CAV2: variants seen among roughly 807,000 people sequenced by gnomAD.
CAV2 encodes caveolin 2, also known as caveolin-2.
CAV2 carries 7 observed loss-of-function variants against 15.5 expected under a neutral mutation model. That is an observed-to-expected ratio of 0.45 (90% CI 0.26 to 0.85). The LOEUF (loss-of-function observed/expected upper bound fraction) is 0.85. CAV2 is among the 40% of genes least tolerant of loss of function. CAV2 has a pLI of 0.18. For synonymous variants in CAV2, 76 were observed against 83.1 expected, an observed-to-expected ratio of 0.91 and a Z score of 0.46; for missense variants, 229 against 208.8, an observed-to-expected ratio of 1.10 and a Z score of -0.60.
chr7:116,508,152 G>A lies in CAV2; in HGVS notation c.*2031G>A, dbSNP rs1793286056. ...ATCAGCCTCATGACTTTATAGTTAT[G>A]TCTTGTATTTAAAAACATTTTTTAT... On this transcript the variant is annotated 3_prime_UTR_variant, in exon 3 of 3. Transcript: ENST00000222693. 6.6e-6 allele frequency: 1 copy of A among 152,106 alleles called. No individual in the cohort carries two copies. Among genetic ancestry groups the A allele is most frequent in the Non-Finnish European group, 1.5e-5 (1 of 68,002 alleles). 9.4% of individuals were successfully genotyped at this position (152,106 alleles called of 1,614,324 possible).
chr7:116,499,860 T>A lies in CAV2; in HGVS notation c.79T>A (p.Tyr27Asn). The change falls in exon 1 of 3, where the codon TAC becomes AAC. Residue 27 changes from tyrosine (Y) to asparagine (N), a missense_variant. Physicochemically the swap from Tyr to Asn is moderately radical, Grantham distance 143. Coordinates refer to ENST00000222693, the MANE Select transcript of CAV2 (RefSeq NM_001233.5). ...CTACAGCCACCACAGCGGCCTCGAGTACGCCGACCCCGAGAAGTTCGCGGA... is the reference window on the plus strand; with the variant it reads ...CTACAGCCACCACAGCGGCCTCGAGAACGCCGACCCCGAGAAGTTCGCGGA... The part of the protein sequence containing the change: ...DSYSHHSGLE[Y>N]ADPEKFADSD... 3.1e-6 allele frequency: 5 copies of A among 1,604,432 alleles called. No homozygotes were observed. Among genetic ancestry groups the A allele is most frequent in the Non-Finnish European group, 4.2e-6 (5 of 1,176,750 alleles).
chr7:116,503,648 G>C (rs574529571), intron 2 of CAV2, among the ~76,000 whole-genome samples: 3 of 152,016 alleles, frequency 2.0e-5, no homozygotes, highest in Non-Finnish European at 4.4e-5. Flanking sequence ...GGCCAACATG[G>C]TGAAACTCTG....
chr7:116,502,031 C>T (rs1246755637), intron 2 of CAV2, among the ~76,000 whole-genome samples: 1 of 152,108 alleles, frequency 6.6e-6, no homozygotes, highest in African/African-American at 2.4e-5. Flanking sequence ...TCAGTTTTCT[C>T]ACTTTCAAAA....
intron 2 of CAV2, 86 bp downstream of exon 2, chr7:116,500,533 G>A: frequency 7.3e-7 from 1 of 1,364,706 alleles, no homozygotes; most frequent in East Asian, 2.3e-5. Context: ...TCTTATCCCA[G>A]GCCGGCGTCA....
intron 2 of CAV2, chr7:116,500,760 G>A (rs532338330): frequency 3.1e-6 from 1 of 324,990 alleles, no homozygotes; most frequent in South Asian, 5.5e-5. Flanking sequence ...GGCTGCTCTC[G>A]GGGCCCTGTT....
At chr7:116,504,019 A>G (rs1488620867) in intron 2 of CAV2, among the ~76,000 whole-genome samples, 1 of 122,962 alleles carries the variant, frequency 8.1e-6, no homozygotes, top group East Asian at 2.4e-4. Flanking sequence ...GAAAGGAAAG[A>G]AAGAAAGAAA....
rs1434910166 is a variant in CAV2 at position 116,507,835 on chromosome 7, A to G, written c.*1714A>G. On this transcript the variant is annotated 3_prime_UTR_variant, in exon 3 of 3. Coordinates refer to ENST00000222693, the MANE Select transcript of CAV2 (RefSeq NM_001233.5). ...TTTCAGAATTACCATCAGAACCTCA[A>G]TTGACATTCCTTTGAATACGCTAAT... 2 of 152,242 alleles carry G rather than the reference A, an allele frequency of 1.3e-5. No individual in the cohort carries two copies. The highest frequency in any genetic ancestry group is 2.9e-5 in the Non-Finnish European group (2 of 68,038). 9.4% of individuals were successfully genotyped at this position (152,242 alleles called of 1,614,324 possible).
intron 2 of CAV2, chr7:116,500,649 G>A (rs540511411): frequency 1.7e-6 from 1 of 571,516 alleles, no homozygotes; most frequent in Non-Finnish European, 3.1e-6. Context: ...GTTTCAACAG[G>A]AGAAAGAATG....
chr7:116,502,754 T>A (rs11980719), intron 2 of CAV2, among the ~76,000 whole-genome samples: 50,805 of 151,942 alleles, frequency 0.33, 8,702 homozygotes, highest in African/African-American at 0.36. Flanking sequence ...AAACAAACAA[T>A]CAACAACAAT....
At chr7:116,505,650 G>C (rs1367518639) in intron 2 of CAV2, among the ~76,000 whole-genome samples, 4 of 152,066 alleles carry the variant, frequency 2.6e-5, no homozygotes, top group Admixed American at 2.6e-4. Flanking sequence ...TAGTTAATCA[G>C]ATCTCAAGCA....
At chr7:116,501,735 G>A (rs1237107265) in intron 2 of CAV2, among the ~76,000 whole-genome samples, 2 of 152,032 alleles carry the variant, frequency 1.3e-5, no homozygotes, top group Admixed American at 6.6e-5. Flanking sequence ...GAAAGGAGTC[G>A]AAAAAGACTT....
At chr7:116,504,526 A>G (rs986768259) in intron 2 of CAV2, among the ~76,000 whole-genome samples, 8 of 152,210 alleles carry the variant, frequency 5.3e-5, no homozygotes, top group Admixed American at 3.3e-4. Flanking sequence ...AAATATATCA[A>G]TCAATCAGAA....
rs1234548374 is a variant in CAV2 at position 116,500,305 on chromosome 7, T to G, written c.196T>G (p.Phe66Val). The change falls in exon 2 of 3, where the codon TTT becomes GTT. Residue 66 changes from phenylalanine to valine, a missense_variant. Transcript: ENST00000222693. ...CGCAGAGCCGGTGACTACGCACTCCTTTGACAAAGTGTGGATCTGCAGCCA... is the reference window on the plus strand; with the variant it reads ...CGCAGAGCCGGTGACTACGCACTCCGTTGACAAAGTGTGGATCTGCAGCCA... ...VIAEPVTTHS[F>V]DKVWICSHAL... 1.9e-6 allele frequency: 3 copies of G among 1,614,236 alleles called. No homozygotes were observed. In the South Asian group the frequency reaches 3.3e-5, roughly 18 times the overall value.
rs1793294087 is a variant in CAV2, at chr7:116,508,385, T to C, written c.*2264T>C. ...GGTTACTTTCAAAATGAATTTTTAT[T>C]GAGATTTTCCATTAACTATTTTTTT... On this transcript the variant is annotated 3_prime_UTR_variant, in exon 3 of 3. Transcript: ENST00000222693. 6.6e-6 allele frequency: 1 copy of C among 152,190 alleles called. No individual in the cohort carries two copies. Among genetic ancestry groups the C allele is most frequent in the Non-Finnish European group, 1.5e-5 (1 of 68,018 alleles). 9.4% of individuals were successfully genotyped at this position (152,190 alleles called of 1,614,324 possible).
intron 1 of CAV2, 65 bp downstream of exon 1, chr7:116,499,996 C>A (rs901243845): frequency 1.9e-6 from 3 of 1,554,908 alleles, no homozygotes; most frequent in African/African-American, 2.7e-5. Context: ...GCCCCTCAGC[C>A]CCGCCCTAAC....
chr7:116,499,903 A>G lies in CAV2; in HGVS notation c.122A>G (p.Asp41Gly). ...TTCGCGGACTCGGACCAGGACCGGG[A>G]TCCCCACCGGCTCAACTCGCATCTC... The part of the protein sequence containing the change: ...EKFADSDQDR[D>G]PHRLNSHLKL... The change falls in exon 1 of 3, where the codon GAT becomes GGT. Residue 41 changes from aspartate (D) to glycine (G), a missense_variant. By Grantham distance (94) the Asp-to-Gly change is moderately conservative. Transcript: ENST00000222693. 1 of 1,610,950 alleles carries G rather than the reference A, an allele frequency of 6.2e-7. No homozygotes were observed. Among genetic ancestry groups the G allele is most frequent in the Non-Finnish European group, 8.5e-7 (1 of 1,179,134 alleles).
chr7:116,502,741 T>C (rs79938441), intron 2 of CAV2, among the ~76,000 whole-genome samples: 2,591 of 152,342 alleles, frequency 0.017, 73 homozygotes, highest in African/African-American at 0.059. Context: ...TTTTAGATCC[T>C]TTAAACAAAC....
rs1554471308 is a variant in CAV2, at chr7:116,507,692, AAAAAAAG to A, written c.*1584_*1590del. ...GTCTCAAAAAAAAAAAGAAAAAAAG[AAAAAAAG>A]AAAAAAGAAAAATCTCATTATTTCA... On this transcript the variant is annotated 3_prime_UTR_variant, in exon 3 of 3. Coordinates refer to ENST00000222693, the MANE Select transcript of CAV2 (RefSeq NM_001233.5). 7.0e-6 allele frequency: 1 copy of A among 142,312 alleles called. No individual in the cohort carries two copies. The highest frequency in any genetic ancestry group is 2.5e-5 in the African/African-American group (1 of 39,216). 8.8% of individuals were successfully genotyped at this position (142,312 alleles called of 1,614,324 possible). A position where few individuals can be genotyped will look rare whatever the true frequency, so the allele number is the denominator to read the frequency against.
In CAV2 at chr7:116,508,451, G is replaced by A. The variant is rs1024379379; in HGVS notation, c.*2330G>A. The A allele has an allele frequency of 6.6e-6, 1 of 151,930 alleles. No homozygotes were observed. Among genetic ancestry groups the A allele is most frequent in the Non-Finnish European group, 1.5e-5 (1 of 67,988 alleles). 9.4% of individuals were successfully genotyped at this position (151,930 alleles called of 1,614,324 possible). On this transcript the variant is annotated 3_prime_UTR_variant, in exon 3 of 3. Coordinates refer to ENST00000222693, the MANE Select transcript of CAV2 (RefSeq NM_001233.5). ...TGTACCAAGTAAATCCAGGCTTTAT[G>A]TACAAACATGTTGTTTGTTTTATTT...
Sources: allele counts gnomAD v4.1 joint callset (sites outside exome capture counted in the v4.1 genomes callset), GRCh38; gene constraint gnomAD v4.1.1; transcripts MANE v1.5; gene names NCBI Gene and HGNC (gene_info 2026-07-23, HGNC 2026-07-21).